The following PPARG variants were observed in gnomAD, a reference collection of about 807,000 sequenced individuals.
The protein encoded by PPARG is peroxisome proliferator-activated receptor gamma.
A neutral mutation model predicts 39.2 loss-of-function variants in PPARG; 17 were observed. That is an observed-to-expected ratio of 0.43 (90% CI 0.30 to 0.65). The LOEUF is 0.65. Ranked by LOEUF, PPARG falls within the 30% of genes least tolerant of loss-of-function variation. PPARG has a pLI of 0.13. For missense variants in PPARG, 406 were observed against 585.9 expected, an observed-to-expected ratio of 0.69 and a Z score of 3.17; for synonymous variants, 223 against 215.7, an observed-to-expected ratio of 1.03 and a Z score of -0.30.
chr3:12,394,001 T>C (rs1490039512), intron 5 of PPARG, among the ~76,000 whole-genome samples: 1 of 152,194 alleles, frequency 6.6e-6, no homozygotes, highest in Admixed American at 6.5e-5. Flanking sequence ...AACAATTGAC[T>C]ACATCTGCTG....
chr3:12,419,204 C>T (rs2051178801), intron 7 of PPARG, among the ~76,000 whole-genome samples: 1 of 152,072 alleles, frequency 6.6e-6, no homozygotes. Flanking sequence ...CTCGGCCTCC[C>T]AAAGTGCTGG....
intron 2 of PPARG, chr3:12,371,802 C>G (rs554934539): frequency 1.6e-6 from 1 of 631,616 alleles, no homozygotes; most frequent in East Asian, 3.2e-5. Context: ...TTTTCTTTAT[C>G]TGTCAAATGA....
At chr3:12,311,129 G>A (rs912954434) in intron 1 of PPARG, among the ~76,000 whole-genome samples, 3 of 151,828 alleles carry the variant, frequency 2.0e-5, no homozygotes, top group African/African-American at 7.3e-5. Context: ...TTTGAGACAG[G>A]GTCTCACTCT....
chr3:12,377,284 T>C (rs1405901058), intron 2 of PPARG, among the ~76,000 whole-genome samples: 1 of 152,196 alleles, frequency 6.6e-6, no homozygotes, highest in East Asian at 1.9e-4. Flanking sequence ...GTTTTCTTGT[T>C]TCTATCTCTG....
intron 2 of PPARG, among the ~76,000 whole-genome samples, chr3:12,357,447 C>G (rs2048704363): frequency 6.6e-6 from 1 of 152,188 alleles, no homozygotes; most frequent in Non-Finnish European, 1.5e-5. Flanking sequence ...TCCCTATAAT[C>G]TTGGCTCAAA....
At chr3:12,413,989 A>G (rs1559531989) in intron 6 of PPARG, among the ~76,000 whole-genome samples, 2 of 152,156 alleles carry the variant, frequency 1.3e-5, no homozygotes, top group Non-Finnish European at 2.9e-5. Context: ...TTTGTGCCCT[A>G]TGTTCAACTA....
intron 1 of PPARG, among the ~76,000 whole-genome samples, chr3:12,298,298 C>CAAAAAAAAAAAA (rs58459399): frequency 8.9e-4 from 37 of 41,360 alleles, no homozygotes; most frequent in African/African-American, 4.2e-3. Context: ...GACTCTGTCT[C>CAAAAAAAAAAAA]AAAAAAAAAA....
intron 2 of PPARG, among the ~76,000 whole-genome samples, chr3:12,337,484 G>A (rs1170229125): frequency 6.6e-6 from 1 of 152,134 alleles, no homozygotes; most frequent in East Asian, 1.9e-4. Context: ...AGTTTATAAT[G>A]GAAGATTCCT....
At chr3:12,293,227 A>T (rs774965112) in intron 1 of PPARG, among the ~76,000 whole-genome samples, 2 of 152,212 alleles carry the variant, frequency 1.3e-5, no homozygotes, top group Non-Finnish European at 2.9e-5. Flanking sequence ...TCCAGTCAGG[A>T]TTTAAACTAG....
intron 1 of PPARG, among the ~76,000 whole-genome samples, chr3:12,299,786 CA>C (rs940052114): frequency 2.0e-5 from 3 of 151,886 alleles, no homozygotes; most frequent in African/African-American, 7.3e-5. Context: ...CCATTAACAT[CA>C]AAAAAACTTT....
chr3:12,378,338 T>G (rs1419527177), intron 2 of PPARG, among the ~76,000 whole-genome samples: 2 of 152,350 alleles, frequency 1.3e-5, no homozygotes, highest in East Asian at 3.9e-4. Flanking sequence ...TGCAGCATTA[T>G]TCGCAATAGC....
chr3:12,393,190 A>ATTTTTTTTTTTT (rs143287325), intron 5 of PPARG, among the ~76,000 whole-genome samples: 110 of 111,484 alleles, frequency 9.9e-4, no homozygotes, highest in East Asian at 1.8e-3. Context: ...GATTCATTTA[A>ATTTTTTTTTTTT]TTTTTTTTTT....
In PPARG at chr3:12,405,903, C is replaced by T. The variant is rs2050642774; in HGVS notation, c.551C>T (p.Pro184Leu). The T allele has an allele frequency of 6.2e-7, 1 of 1,613,984 alleles. No homozygotes were observed. Among genetic ancestry groups the T allele is most frequent in the Non-Finnish European group, 8.5e-7 (1 of 1,180,012 alleles). ...ATAGCCATCAGGTTTGGGCGGATGC[C>T]ACAGGCCGAGAAGGAGAAGCTGTTG... is the stretch of plus-strand genomic sequence containing the variant. ...SHNAIRFGRM[P>L]QAEKEKLLAE... Residue 184 changes from proline to leucine, a missense_variant, in exon 6 of 8, where the codon CCA becomes CTA. Pro to Leu is a moderately conservative substitution (Grantham distance 98). Transcript: ENST00000651735.
rs3031383 is a variant in PPARG at position 12,343,861 on chromosome 3, A to ATTTT, written c.-9+31422_-9+31425dup. ...TGGGGCTACCATTCAATCTCACCGA[A>ATTTT]TTTTTTTTTTTTTTTTTGAGACAGA... On this transcript the variant is annotated intron_variant, in intron 2 of 7. Transcript: ENST00000651735. Among the ~76,000 whole-genome samples the ATTTT allele has an allele frequency of 2.9e-3, 378 of 131,018 alleles. 12 individuals are homozygous for ATTTT. Among genetic ancestry groups the ATTTT allele is most frequent in the African/African-American group, 0.011 (344 of 32,144 alleles). 86.0% of individuals were successfully genotyped at this position (131,018 alleles called of 152,430 possible).
At chr3:12,402,462 A>G (rs911671102) in intron 5 of PPARG, among the ~76,000 whole-genome samples, 3 of 151,634 alleles carry the variant, frequency 2.0e-5, no homozygotes, top group Middle Eastern at 3.2e-3. Context: ...TTGTTAACCT[A>G]CTATGTGTAT....
chr3:12,309,127 G>C (rs1386994815), intron 1 of PPARG, among the ~76,000 whole-genome samples: 1 of 152,106 alleles, frequency 6.6e-6, no homozygotes, highest in Non-Finnish European at 1.5e-5. Flanking sequence ...GAAAATCTTA[G>C]GGAACAAGTT....
chr3:12,346,063 C>T (rs146586729), intron 2 of PPARG, among the ~76,000 whole-genome samples: 43 of 152,296 alleles, frequency 2.8e-4, no homozygotes, highest in Middle Eastern at 3.4e-3. Flanking sequence ...TTAGGTGGGA[C>T]GTCTTTGGTT....
At chr3:12,399,312 A>G (rs1198388157) in intron 5 of PPARG, 1 of 455,284 alleles carries the variant, frequency 2.2e-6, no homozygotes. Flanking sequence ...AAATAATTTA[A>G]TATTAGTGCT....
intron 6 of PPARG, among the ~76,000 whole-genome samples, chr3:12,411,179 G>A (rs562089693): frequency 6.6e-6 from 1 of 152,184 alleles, no homozygotes; most frequent in Middle Eastern, 3.4e-3. Flanking sequence ...ATTTTATAGA[G>A]TTAAAAAGAA....
Sources: allele counts gnomAD v4.1 joint callset (sites outside exome capture counted in the v4.1 genomes callset), GRCh38; gene constraint gnomAD v4.1.1; transcripts MANE v1.5; gene names NCBI Gene and HGNC (gene_info 2026-07-23, HGNC 2026-07-21).